The following KIAA2012 variants were observed in gnomAD, a reference collection of about 807,000 sequenced individuals.
KIAA2012 encodes KIAA2012, also known as uncharacterized protein KIAA2012.
A neutral mutation model predicts 150.6 loss-of-function variants in KIAA2012; 125 were observed. The ratio of observed to expected loss-of-function variants is 0.83; its 90% confidence interval spans 0.72 to 0.96. KIAA2012 has a LOEUF of 0.96. Among genes scored for constraint, KIAA2012 ranks in the 40% least tolerant of loss-of-function variants. The probability of loss-of-function intolerance (pLI) is 0.00; values close to 1 mark genes in which losing one functional copy is unlikely to be tolerated. For missense variants in KIAA2012, 1,219 were observed against 1,354.9 expected, an observed-to-expected ratio of 0.90 and a Z score of 1.57; for synonymous variants, 462 against 504.7, an observed-to-expected ratio of 0.92 and a Z score of 1.13.
At chr2:202,162,528 G>A (rs1171385087) in intron 14 of KIAA2012, among the ~76,000 whole-genome samples, 1 of 150,908 alleles carries the variant, frequency 6.6e-6, no homozygotes, top group Non-Finnish European at 1.5e-5. Flanking sequence ...ACCCACCTGG[G>A]CCTCCTAAAG....
intron 12 of KIAA2012, chr2:202,135,966 TC>T: frequency 3.8e-6 from 1 of 262,804 alleles, no homozygotes. Flanking sequence ...TTTCAGGGCC[TC>T]AGTTTCCCCC....
chr2:202,188,361 ACT>A (rs1692269620), intron 18 of KIAA2012, 95 bp downstream of exon 18: 3 of 987,228 alleles, frequency 3.0e-6, no homozygotes, highest in Non-Finnish European at 4.4e-6. Flanking sequence ...TACCGGACAA[ACT>A]CTCTGTTTTG....
intron 15 of KIAA2012, among the ~76,000 whole-genome samples, chr2:202,166,471 A>T (rs1435967183): frequency 6.6e-6 from 1 of 152,046 alleles, no homozygotes; most frequent in Non-Finnish European, 1.5e-5. Flanking sequence ...TAGGCAACAC[A>T]ACAAGATCCT....
intron 19 of KIAA2012, among the ~76,000 whole-genome samples, chr2:202,192,889 T>C (rs1211917442): frequency 2.6e-5 from 4 of 152,162 alleles, no homozygotes; most frequent in Non-Finnish European, 5.9e-5. Context: ...ATGCTGGGAT[T>C]ACAGGCATGA....
intron 14 of KIAA2012, among the ~76,000 whole-genome samples, chr2:202,160,535 G>C (rs183694800): frequency 4.6e-5 from 7 of 151,896 alleles, no homozygotes; most frequent in Non-Finnish European, 1.0e-4. Context: ...GCATGGTCTC[G>C]ATCTCCTGAC....
intron 12 of KIAA2012, among the ~76,000 whole-genome samples, chr2:202,128,834 T>C (rs1045124950): frequency 3.3e-5 from 5 of 152,136 alleles, no homozygotes. Flanking sequence ...GAACCTTATT[T>C]GTTCCCTTGA....
intron 15 of KIAA2012, 82 bp downstream of exon 15, chr2:202,165,438 G>T: frequency 7.2e-7 from 1 of 1,384,064 alleles, no homozygotes; most frequent in South Asian, 1.2e-5. Flanking sequence ...ATGTTAATGG[G>T]AGGCCAGGCA....
Position 202,154,804 on chromosome 2 carries a change from C to T in KIAA2012, c.2040C>T (p.Phe680=), listed in dbSNP as rs755001524. 6.5e-7 allele frequency: 1 copy of T among 1,545,350 alleles called. No homozygotes were observed. Among genetic ancestry groups the T allele is most frequent in the South Asian group, 1.2e-5 (1 of 82,710 alleles). Residue 680 remains phenylalanine (F), a synonymous_variant, in exon 14 of 24, where the codon TTC becomes TTT. Coordinates refer to ENST00000498697, the MANE Select transcript of KIAA2012 (RefSeq NM_001277372.4). The stretch of plus-strand genomic sequence containing the variant: ...AGCTGCACATCGACATGACGCCGTT[C>T]CTGAAGGTGATCTCACACTGAGAAG... ...TRKLHIDMTP[F]LKESGNALDY... is the part of the protein sequence containing the mutation.
intron 12 of KIAA2012, among the ~76,000 whole-genome samples, chr2:202,132,700 A>ATATATGTATATATGTATATATATATAG (rs1690965755): frequency 3.0e-5 from 3 of 99,266 alleles, no homozygotes; most frequent in East Asian, 6.2e-4. Flanking sequence ...ATGTATGTAT[A>ATATATGTATATATGTATATATATATAG]TATATATGTA....
intron 4 of KIAA2012, among the ~76,000 whole-genome samples, chr2:202,095,676 C>T (rs1028407855): frequency 3.9e-5 from 6 of 152,152 alleles, no homozygotes; most frequent in African/African-American, 1.2e-4. Flanking sequence ...TCTGTTTCCC[C>T]TCGCATTGAT....
chr2:202,126,990 C>G (rs1381057358), intron 12 of KIAA2012, among the ~76,000 whole-genome samples: 1 of 152,116 alleles, frequency 6.6e-6, no homozygotes, highest in Non-Finnish European at 1.5e-5. Context: ...AAACAAATGG[C>G]TTCTGTCCAA....
chr2:202,103,026 C>T lies in KIAA2012; in HGVS notation c.1236C>T (p.Ala412=). Residue 412 remains alanine, a synonymous_variant, in exon 8 of 24, where the codon GCC becomes GCT. Coordinates refer to ENST00000498697, the MANE Select transcript of KIAA2012 (RefSeq NM_001277372.4). Reference sequence around the variant, plus strand: ...AGCCCCTGAAGAGCCAATTTAAAGCCAATGAGCCCCCAACAGAGCTCTTCA... The same window carrying T: ...AGCCCCTGAAGAGCCAATTTAAAGCTAATGAGCCCCCAACAGAGCTCTTCA... The part of the protein sequence containing the change: ...VLEPLKSQFK[A]NEPPTELFIL... The T allele has an allele frequency of 6.4e-7, 1 of 1,550,522 alleles. No individual in the cohort carries two copies. Among genetic ancestry groups the T allele is most frequent in the Non-Finnish European group, 8.7e-7 (1 of 1,146,972 alleles).
At chr2:202,170,506 A>G (rs753828196) in intron 15 of KIAA2012, among the ~76,000 whole-genome samples, 1 of 152,108 alleles carries the variant, frequency 6.6e-6, no homozygotes, top group Non-Finnish European at 1.5e-5. Context: ...CACTCAGCAT[A>G]CACTTGCTGA....
At chr2:202,195,516 T>C (rs1410925423) in intron 21 of KIAA2012, among the ~76,000 whole-genome samples, 1 of 151,446 alleles carries the variant, frequency 6.6e-6, no homozygotes, top group African/African-American at 2.4e-5. Context: ...AGCAAGACTC[T>C]GTCTAAAAAA....
chr2:202,197,164 G>T, intron 22 of KIAA2012, 145 bp downstream of exon 22: 1 of 1,235,716 alleles, frequency 8.1e-7, no homozygotes, highest in Non-Finnish European at 1.1e-6. Flanking sequence ...GGCATAGAGG[G>T]ATTCTTTTGC....
chr2:202,131,379 G>T (rs927305716), intron 12 of KIAA2012, among the ~76,000 whole-genome samples: 1 of 152,058 alleles, frequency 6.6e-6, no homozygotes, highest in Non-Finnish European at 1.5e-5. Context: ...GAGCTCAGGT[G>T]ATCCACCTGC....
intron 15 of KIAA2012, among the ~76,000 whole-genome samples, chr2:202,171,681 C>G (rs1381698774): frequency 6.6e-6 from 1 of 151,794 alleles, no homozygotes; most frequent in African/African-American, 2.4e-5. Flanking sequence ...GCTAGAAGGT[C>G]TAAACATCTG....
chr2:202,196,475 G>T (rs766380649), intron 21 of KIAA2012, among the ~76,000 whole-genome samples: 2 of 151,920 alleles, frequency 1.3e-5, no homozygotes, highest in East Asian at 1.9e-4. Flanking sequence ...GATTACAGGC[G>T]TGAGCCACCA....
rs191997256 is a variant in KIAA2012 at position 202,080,416 on chromosome 2, G to A, written c.369+5241G>A. On this transcript the variant is annotated intron_variant, in intron 2 of 23. Transcript: ENST00000498697. The stretch of plus-strand genomic sequence containing the variant: ...AATATTTATAACAATGACTGGGGCC[G>A]GGCACGATGGCACACGCCTGTAATA... Among the ~76,000 whole-genome samples, 326 of 152,002 alleles carry A rather than the reference G, an allele frequency of 2.1e-3. 2 individuals carry two copies. The highest frequency in any genetic ancestry group is 3.1e-3 in the Non-Finnish European group (211 of 67,978).
Sources: allele counts gnomAD v4.1 joint callset (sites outside exome capture counted in the v4.1 genomes callset), GRCh38; gene constraint gnomAD v4.1.1; transcripts MANE v1.5; gene names NCBI Gene and HGNC (gene_info 2026-07-23, HGNC 2026-07-21).